PRKG1: variants seen among roughly 807,000 people sequenced by gnomAD.
PRKG1 encodes the protein protein kinase cGMP-dependent 1.
PRKG1 carries 35 observed loss-of-function variants against 88.1 expected under a neutral mutation model. The ratio of observed to expected loss-of-function variants is 0.40; its 90% CI spans 0.30 to 0.53. The LOEUF (loss-of-function observed/expected upper bound fraction) is 0.53, where lower values mean the gene tolerates loss of function less well. PRKG1 is among the 20% of genes least tolerant of loss of function. PRKG1 has a pLI of 0.59. For missense variants in PRKG1, 540 were observed against 839.8 expected (o/e 0.64, Z 4.41); for synonymous variants, 303 against 292.5 (o/e 1.04, Z -0.37).
intron 7 of PRKG1, among the ~76,000 whole-genome samples, chr10:52,104,432 A>G (rs1393948834): frequency 6.6e-6 from 1 of 152,092 alleles, no homozygotes; most frequent in East Asian, 1.9e-4. Context: ...AGTACCTTTC[A>G]GTGTTACTTA....
intron 3 of PRKG1, among the ~76,000 whole-genome samples, chr10:51,777,663 G>A (rs750483419): frequency 1.3e-5 from 2 of 152,208 alleles, no homozygotes; most frequent in Non-Finnish European, 2.9e-5. Flanking sequence ...TTCACTCTTG[G>A]TGTTGTACAT....
chr10:51,463,614 C>T (rs1035067720), intron 2 of PRKG1, among the ~76,000 whole-genome samples: 15 of 152,298 alleles, frequency 9.8e-5, no homozygotes, highest in African/African-American at 3.1e-4. Context: ...ACTGGGTGTA[C>T]GCAGAAAGCT....
intron 7 of PRKG1, among the ~76,000 whole-genome samples, chr10:52,084,341 A>G (rs1846858049): frequency 6.6e-6 from 1 of 152,064 alleles, no homozygotes; most frequent in Admixed American, 6.6e-5. Flanking sequence ...CATTATCTTT[A>G]TTCATTCACT....
chr10:51,237,947 G>T (rs1221476671), intron 2 of PRKG1, among the ~76,000 whole-genome samples: 1 of 152,018 alleles, frequency 6.6e-6, no homozygotes, highest in African/African-American at 2.4e-5. Flanking sequence ...CTCACTTAAC[G>T]ATATCTATAG....
intron 5 of PRKG1, among the ~76,000 whole-genome samples, chr10:51,918,005 A>C (rs1743805901): frequency 2.0e-5 from 3 of 152,244 alleles, no homozygotes; most frequent in Admixed American, 2.0e-4. Flanking sequence ...ATTTGATTAA[A>C]ACAACAGTAA....
intron 5 of PRKG1, among the ~76,000 whole-genome samples, chr10:51,986,552 C>T (rs1220860243): frequency 6.6e-6 from 1 of 152,118 alleles, no homozygotes; most frequent in East Asian, 1.9e-4. Context: ...TGGTTTAAAC[C>T]AGAGTAATGC....
chr10:52,209,073 C>T (rs901897929), intron 9 of PRKG1, among the ~76,000 whole-genome samples: 6 of 152,106 alleles, frequency 3.9e-5, no homozygotes, highest in Admixed American at 2.0e-4. Flanking sequence ...AAAATCCTAA[C>T]TAAAGAAAAA....
chr10:52,055,608 ATGTTTG>A (rs777224634), intron 6 of PRKG1, among the ~76,000 whole-genome samples: 12 of 152,166 alleles, frequency 7.9e-5, no homozygotes, highest in Non-Finnish European at 1.2e-4. Flanking sequence ...AGCTATAATC[ATGTTTG>A]TGTTTGTGTC....
chr10:51,748,201 T>G (rs1232971006), intron 3 of PRKG1, among the ~76,000 whole-genome samples: 1 of 152,198 alleles, frequency 6.6e-6, no homozygotes, highest in African/African-American at 2.4e-5. Flanking sequence ...GACTGACCAT[T>G]ATGCTTGTAA....
At chr10:51,341,211 C>CT (rs1411400117) in intron 2 of PRKG1, among the ~76,000 whole-genome samples, 3 of 152,084 alleles carry the variant, frequency 2.0e-5, no homozygotes, top group Non-Finnish European at 4.4e-5. Flanking sequence ...TAAACTATTA[C>CT]TTTTTTTAAA....
chr10:51,788,981 T>G lies in PRKG1; in HGVS notation c.593-15604T>G, dbSNP rs770288873. ...TAAGAACTGACTAGGAAAAGGAAAATCCCTCCTTTGGGAGAATACATTTTA... is the reference window on the plus strand; with the variant it reads ...TAAGAACTGACTAGGAAAAGGAAAAGCCCTCCTTTGGGAGAATACATTTTA... On this transcript the variant is annotated intron_variant, in intron 3 of 17. Coordinates refer to ENST00000373980, the MANE Select transcript of PRKG1 (RefSeq NM_006258.4). Among the ~76,000 whole-genome samples, 45 of 152,088 alleles carry G rather than the reference T, an allele frequency of 3.0e-4. 1 individual carries two copies. Among genetic ancestry groups the G allele is most frequent in the Admixed American group, 6.6e-4 (10 of 15,256 alleles).
chr10:51,905,235 A>G (rs916274858), intron 4 of PRKG1, among the ~76,000 whole-genome samples: 23 of 152,280 alleles, frequency 1.5e-4, no homozygotes, highest in Admixed American at 1.0e-3. Context: ...ATTAAACCCC[A>G]CATGGCTCAG....
chr10:52,118,344 A>G (rs1847737191), intron 7 of PRKG1, among the ~76,000 whole-genome samples: 1 of 152,190 alleles, frequency 6.6e-6, no homozygotes, highest in East Asian at 1.9e-4. Context: ...AAATAAATTT[A>G]GCTTTTGGAT....
chr10:51,508,459 T>C (rs551540016), intron 3 of PRKG1, among the ~76,000 whole-genome samples: 9 of 152,294 alleles, frequency 5.9e-5, no homozygotes, highest in Non-Finnish European at 2.9e-5. Context: ...TGTGCAGCAT[T>C]CTATTAATTT....
chr10:50,995,119 T>G (rs1362586252), intron 1 of PRKG1, among the ~76,000 whole-genome samples: 1 of 152,192 alleles, frequency 6.6e-6, no homozygotes, highest in African/African-American at 2.4e-5. Context: ...TGAAAAACTT[T>G]TGCCTATAAA....
intron 5 of PRKG1, among the ~76,000 whole-genome samples, chr10:52,043,528 GA>G: frequency 6.6e-6 from 1 of 152,152 alleles, no homozygotes; most frequent in Non-Finnish European, 1.5e-5. Flanking sequence ...TAAAAACAGA[GA>G]GTAGAATATT....
chr10:51,782,290 A>G (rs931076779), intron 3 of PRKG1, among the ~76,000 whole-genome samples: 3 of 152,108 alleles, frequency 2.0e-5, no homozygotes, highest in African/African-American at 4.8e-5. Context: ...TCAACTTACC[A>G]TGGGTTATCA....
At chr10:52,231,156 G>A (rs1341560815) in intron 9 of PRKG1, 1 of 152,266 alleles carries the variant, frequency 6.6e-6, no homozygotes, top group Non-Finnish European at 1.5e-5. Context: ...TCAGCACTTT[G>A]AGAGGCTGAG....
intron 3 of PRKG1, among the ~76,000 whole-genome samples, chr10:51,525,051 T>C (rs912290843): frequency 2.0e-5 from 3 of 152,020 alleles, no homozygotes; most frequent in Non-Finnish European, 2.9e-5. Flanking sequence ...AAGAAACATA[T>C]CTGAATCACC....
Sources: gnomAD v4.1 joint callset for allele counts (sites outside exome capture counted in the v4.1 genomes callset) on GRCh38, gnomAD v4.1.1 for gene constraint, MANE v1.5 for transcripts, NCBI Gene and HGNC (gene_info 2026-07-23, HGNC 2026-07-21) for gene names.